Variants in NELL1 observed in about 807,000 individuals in gnomAD.
The protein encoded by NELL1 is protein kinase C-binding protein NELL1.
In NELL1, 76 loss-of-function variants were observed where a neutral mutation model predicts 107.4. That is an observed-to-expected ratio of 0.71 (90% CI 0.59 to 0.86). The LOEUF (loss-of-function observed/expected upper bound fraction) is 0.86. Ranked by LOEUF, NELL1 falls within the 40% of genes least tolerant of loss-of-function variation. NELL1 has a pLI of 0.00. For synonymous variants in NELL1, 353 were observed against 341.2 expected (o/e 1.03, Z -0.38); for missense variants, 1,024 against 1,005.5 (o/e 1.02, Z -0.25).
chr11:21,197,613 T>C (rs1454003), intron 13 of NELL1, among the ~76,000 whole-genome samples: 99,625 of 152,030 alleles, frequency 0.66, 36,098 homozygotes, highest in Non-Finnish European at 0.81. Context: ...ATATTTTGAA[T>C]ACTGCAAAAT....
intron 4 of NELL1, among the ~76,000 whole-genome samples, chr11:20,870,111 T>C (rs545297269): frequency 2.9e-4 from 44 of 152,272 alleles, no homozygotes; most frequent in African/African-American, 1.0e-3. Context: ...CATGGCCTCA[T>C]TGAGCCTCAA....
intron 12 of NELL1, among the ~76,000 whole-genome samples, chr11:21,033,745 G>A (rs1853019624): frequency 6.6e-6 from 1 of 151,966 alleles, no homozygotes; most frequent in Non-Finnish European, 1.5e-5. Flanking sequence ...ATATTCCTTT[G>A]GGTATATACC....
intron 13 of NELL1, among the ~76,000 whole-genome samples, chr11:21,222,471 C>T (rs11025968): frequency 0.53 from 80,909 of 151,572 alleles, 21,637 homozygotes; most frequent in East Asian, 0.6. Flanking sequence ...GCTGGGATTA[C>T]AGGCGTGAGC....
At chr11:21,156,250 T>C (rs1033461627) in intron 13 of NELL1, among the ~76,000 whole-genome samples, 1 of 152,176 alleles carries the variant, frequency 6.6e-6, no homozygotes, top group African/African-American at 2.4e-5. Context: ...TTTGAAGTTT[T>C]GAAGATCCAG....
chr11:20,824,379 G>A (rs1262196970), intron 3 of NELL1, among the ~76,000 whole-genome samples: 1 of 151,136 alleles, frequency 6.6e-6, no homozygotes, highest in Non-Finnish European at 1.5e-5. Context: ...TGCCAGGAGT[G>A]GGTTGCTGCC....
At chr11:20,833,441 A>C (rs999691880) in intron 3 of NELL1, among the ~76,000 whole-genome samples, 1 of 152,194 alleles carries the variant, frequency 6.6e-6, no homozygotes, top group African/African-American at 2.4e-5. Context: ...GTAATTTGTT[A>C]CTGTTACTAC....
chr11:20,768,095 C>A (rs1488264905), intron 2 of NELL1, among the ~76,000 whole-genome samples: 5 of 152,132 alleles, frequency 3.3e-5, no homozygotes, highest in Non-Finnish European at 5.9e-5. Context: ...TTAATAATCA[C>A]TCACATTATT....
intron 14 of NELL1, among the ~76,000 whole-genome samples, chr11:21,269,984 A>G (rs901321061): frequency 2.0e-5 from 3 of 152,104 alleles, no homozygotes; most frequent in African/African-American, 4.8e-5. Context: ...ATCTAAGGGT[A>G]TGCTGGGATT....
At chr11:21,534,599 T>G in intron 16 of NELL1, 85 bp downstream of exon 16, 1 of 1,368,434 alleles carries the variant, frequency 7.3e-7, no homozygotes, top group Non-Finnish European at 1.0e-6. Flanking sequence ...CAGCTCCCAG[T>G]GTTAAAATAT....
At chr11:21,395,608 A>G (rs1246682809) in intron 15 of NELL1, among the ~76,000 whole-genome samples, 2 of 151,566 alleles carry the variant, frequency 1.3e-5, no homozygotes, top group East Asian at 2.0e-4. Context: ...TCATAAAGAA[A>G]TTTCTTCATG....
chr11:21,060,722 G>C (rs1252321703), intron 12 of NELL1, among the ~76,000 whole-genome samples: 1 of 152,122 alleles, frequency 6.6e-6, no homozygotes, highest in Non-Finnish European at 1.5e-5. Flanking sequence ...TTTGTTTTGA[G>C]ACAGAGTCTC....
At chr11:21,061,117 G>C (rs1345831008) in intron 12 of NELL1, among the ~76,000 whole-genome samples, 2 of 152,152 alleles carry the variant, frequency 1.3e-5, no homozygotes, top group African/African-American at 4.8e-5. Context: ...AGAAGTGTTA[G>C]TTCTTCCTAC....
intron 12 of NELL1, among the ~76,000 whole-genome samples, chr11:21,054,473 G>T (rs904829582): frequency 6.6e-6 from 1 of 151,892 alleles, no homozygotes; most frequent in African/African-American, 2.4e-5. Context: ...TAAAGAAAAT[G>T]GATTCTATCA....
At chr11:20,679,119 A>G (rs1163045819) in intron 2 of NELL1, among the ~76,000 whole-genome samples, 2 of 152,156 alleles carry the variant, frequency 1.3e-5, no homozygotes, top group African/African-American at 4.8e-5. Flanking sequence ...TTCTGCTGAT[A>G]TGTGTGGGTT....
At chr11:21,088,386 A>T (rs542364552) in intron 12 of NELL1, among the ~76,000 whole-genome samples, 1 of 152,252 alleles carries the variant, frequency 6.6e-6, no homozygotes, top group African/African-American at 2.4e-5. Context: ...CATGAGGAAA[A>T]TAGGGAACTG....
rs541684884 is a variant in NELL1 at position 20,711,137 on chromosome 11, GCA to G, written c.184+33078_184+33079del. The stretch of plus-strand genomic sequence containing the variant: ...CCTTAGATATTCTATTTGTGCTCCT[GCA>G]GACTTTTTGATGTAGGCATTTAATG... On this transcript the variant is annotated intron_variant, in intron 2 of 19. Transcript: ENST00000357134. Among the ~76,000 whole-genome samples, 26 of 152,082 alleles carry G rather than the reference GCA, an allele frequency of 1.7e-4. No homozygotes were observed. In the East Asian group the frequency reaches 4.8e-3, roughly 28 times the overall value.
chr11:20,841,909 A>C (rs1030378906), intron 3 of NELL1, among the ~76,000 whole-genome samples: 1 of 152,198 alleles, frequency 6.6e-6, no homozygotes, highest in Non-Finnish European at 1.5e-5. Context: ...ATTGCAACTC[A>C]AGCTTCAGTA....
Position 21,141,633 on chromosome 11 carries a change from G to T in NELL1, c.1426+27919G>T, listed in dbSNP as rs186000340. Reference sequence around the variant, plus strand: ...AATCCAAGAGGAATGATAAAAGGAGGTGATTAAGGAAACAGCAGTAGCTTA... The same window carrying T: ...AATCCAAGAGGAATGATAAAAGGAGTTGATTAAGGAAACAGCAGTAGCTTA... On this transcript the variant is annotated intron_variant, in intron 13 of 19. Transcript: ENST00000357134. Among the ~76,000 whole-genome samples, 5 of 152,286 alleles carry T rather than the reference G, an allele frequency of 3.3e-5. No homozygotes were observed. The South Asian group carries it at 6.2e-4, about 19-fold the overall frequency.
chr11:20,708,455 G>A (rs2680985), intron 2 of NELL1, among the ~76,000 whole-genome samples: 128,968 of 152,172 alleles, frequency 0.85, 55,069 homozygotes, highest in Non-Finnish European at 0.87. Context: ...AGCTCTTCCT[G>A]TTCAGCCATC....
Sources: gnomAD v4.1 joint callset for allele counts (sites outside exome capture counted in the v4.1 genomes callset) on GRCh38, gnomAD v4.1.1 for gene constraint, MANE v1.5 for transcripts, NCBI Gene and HGNC (gene_info 2026-07-23, HGNC 2026-07-21) for gene names.